Variants in RPL7 observed in about 807,000 individuals in gnomAD.
RPL7 encodes large ribosomal subunit protein uL30.
For missense variants in RPL7, 205 were observed against 301.9 expected, an observed-to-expected ratio of 0.68 and a Z score of 2.38; for synonymous variants, 100 against 102.2, an observed-to-expected ratio of 0.98 and a Z score of 0.13.
chr8:73,292,313 C>T lies in RPL7; in HGVS notation c.216G>A (p.Ala72=), dbSNP rs1206776292. The T allele has an allele frequency of 6.2e-7, 1 of 1,610,094 alleles. No homozygotes were observed. The highest frequency in any genetic ancestry group is 1.7e-5 in the Admixed American group (1 of 59,974). ...AGTTGCCAGCTTTTCTTGCCATCCT[C>T]GCCATTCGAATTTCAGTTCTGTACA... ...RQMYRTEIRM[A]RMARKAGNFY... The change falls in exon 3 of 7, where the codon GCG becomes GCA. Residue 72 remains alanine, a synonymous_variant. Coordinates refer to ENST00000352983, the MANE Select transcript of RPL7 (RefSeq NM_000971.4).
intron 1 of RPL7, 23 bp downstream of exon 1, chr8:73,293,576 C>T (rs764098267): frequency 1.3e-5 from 21 of 1,613,600 alleles, no homozygotes; most frequent in Non-Finnish European, 1.8e-5. Context: ...GAAGGATTCT[C>T]AAGAGGACCA....
chr8:73,292,111 C>A, intron 3 of RPL7, 128 bp downstream of exon 3: 1 of 1,111,232 alleles, frequency 9.0e-7, no homozygotes, highest in Non-Finnish European at 1.3e-6. Flanking sequence ...GTGATCAGCA[C>A]CCTCCTTGTT....
At position 73,292,274 on chromosome 8, in the gene RPL7, T is replaced by C. The variant is rs1260071494; in HGVS notation, c.255A>G (p.Ala85=). ...ARKAGNFYVP[A]EPKLAFVIRI... is the part of the protein sequence containing the mutation. The stretch of plus-strand genomic sequence containing the variant: ...TGATGACAAACGCCAATTTGGGTTC[T>C]GCAGGTACATAGAAGTTGCCAGCTT... The change falls in exon 3 of 7, where the codon GCA becomes GCG. Residue 85 remains alanine, a synonymous_variant. Transcript: ENST00000352983. The C allele has an allele frequency of 1.2e-6, 2 of 1,613,524 alleles. No individual in the cohort carries two copies. The highest frequency in any genetic ancestry group is 1.3e-5 in the African/African-American group (1 of 74,994).
chr8:73,292,608 A>G (rs1814129046), intron 2 of RPL7, 81 bp downstream of exon 2: 1 of 1,170,276 alleles, frequency 8.5e-7, no homozygotes, highest in East Asian at 2.3e-5. Context: ...TAGGAAGTAA[A>G]TCTTGCCAAG....
rs771745437 is a variant in RPL7, at chr8:73,293,614, G to C, written c.-2C>G. 3 of 1,613,872 alleles carry C rather than the reference G, an allele frequency of 1.9e-6. No homozygotes were observed. Among genetic ancestry groups the C allele is most frequent in the South Asian group, 2.2e-5 (2 of 91,028 alleles). ...AGCAACTCACTCTACACCCTCCATG[G>C]TTCCAGCCGGAAAAAGAGGAAGTTG... On this transcript the variant is annotated 5_prime_UTR_variant, in exon 1 of 7. Transcript: ENST00000352983.
rs188778164 is a variant in RPL7 at position 73,291,756 on chromosome 8, G to A, written c.428+17C>T. On this transcript the variant is annotated intron_variant, in intron 4 of 6. Transcript: ENST00000352983. ...ACCAATTTATCAAATAGAAATCAAA[G>A]GAGAAAAGAGACTTACCCCCATGCA... The A allele has an allele frequency of 4.3e-4, 691 of 1,596,206 alleles. 1 individual carries two copies. The highest frequency in any genetic ancestry group is 1.6e-3 in the African/African-American group (116 of 74,572).
rs1814123150 is a variant in RPL7, at chr8:73,292,415, A to G, written c.124-10T>C. 6.3e-7 allele frequency: 1 copy of G among 1,591,038 alleles called. No individual in the cohort carries two copies. The highest frequency in any genetic ancestry group is 8.5e-7 in the Non-Finnish European group (1 of 1,174,144). On this transcript the variant is annotated splice_polypyrimidine_tract_variant and intron_variant, in intron 2 of 6. Coordinates refer to ENST00000352983, the MANE Select transcript of RPL7 (RefSeq NM_000971.4). ...TCCTTGCCTTTCGAAGCTGAAAACCAATAATCAGTTATTCATAATTTTTAG... is the reference window on the plus strand; with the variant it reads ...TCCTTGCCTTTCGAAGCTGAAAACCGATAATCAGTTATTCATAATTTTTAG...
upstream of RPL7, chr8:73,293,646 G>T (rs896241891): frequency 6.2e-7 from 1 of 1,613,052 alleles, no homozygotes. Flanking sequence ...GTTGGCGCAT[G>T]CGTACTGTCC....
chr8:73,292,103 G>A (rs575314915), intron 3 of RPL7, 136 bp downstream of exon 3: 3 of 1,089,054 alleles, frequency 2.8e-6, no homozygotes, highest in Non-Finnish European at 4.0e-6. Context: ...AACCATTAGT[G>A]ATCAGCACCC....
upstream of RPL7, chr8:73,293,866 C>T (rs1814177482): frequency 6.6e-6 from 3 of 455,206 alleles, no homozygotes; most frequent in Non-Finnish European, 1.2e-5. Flanking sequence ...GTGCTGACAC[C>T]TTGGCAACTC....
In RPL7 at chr8:73,292,363, G is replaced by A. The variant is rs759624682; in HGVS notation, c.166C>T (p.His56Tyr). The part of the protein sequence containing the change: ...RRKLIYEKAK[H>Y]YHKEYRQMYR... ...ATCTGCCTATATTCCTTGTGATAGT[G>A]CTTTGCTTTTTCATAGATAAGCTTC... Residue 56 changes from histidine to tyrosine, a missense_variant, in exon 3 of 7, where the codon CAC (histidine) becomes TAC (tyrosine). By Grantham distance (83) the His-to-Tyr change is moderately conservative. Coordinates refer to ENST00000352983, the MANE Select transcript of RPL7 (RefSeq NM_000971.4). 2 of 1,600,990 alleles carry A rather than the reference G, an allele frequency of 1.2e-6. No homozygotes were observed. Among genetic ancestry groups the A allele is most frequent in the Non-Finnish European group, 1.7e-6 (2 of 1,178,754 alleles).
At position 73,291,852 on chromosome 8, in the gene RPL7, T is replaced by C. The variant is rs1436899637; in HGVS notation, c.349A>G (p.Ile117Val). Residue 117 changes from isoleucine to valine, a missense_variant, in exon 4 of 7, where the codon ATC (isoleucine) becomes GTC (valine). By Grantham distance (29) the Ile-to-Val change is conservative. Transcript: ENST00000352983. ...KVLQLLRLRQ[I>V]FNGTFVKLNK... ...AGCTTCACAAAGGTTCCATTGAAGATTTGACGAAGGCGAAGAAGCTGCAAC... is the reference window on the plus strand; with the variant it reads ...AGCTTCACAAAGGTTCCATTGAAGACTTGACGAAGGCGAAGAAGCTGCAAC... The C allele has an allele frequency of 6.2e-7, 1 of 1,613,354 alleles. No individual in the cohort carries two copies. The highest frequency in any genetic ancestry group is 1.7e-5 in the Admixed American group (1 of 60,010).
chr8:73,292,569 T>G, intron 2 of RPL7, 120 bp downstream of exon 2: 1 of 1,015,550 alleles, frequency 9.8e-7, no homozygotes, highest in Non-Finnish European at 1.5e-6. Flanking sequence ...ATTGTAACAT[T>G]AGGTAGCTAA....
At chr8:73,293,924 C>A (rs966031274), upstream of RPL7, 3 of 352,676 alleles carry the variant, frequency 8.5e-6, no homozygotes, top group East Asian at 1.3e-4. Flanking sequence ...CTCCGTTCCT[C>A]CCCATAATGT....
upstream of RPL7, chr8:73,294,347 G>A (rs7819550): frequency 0.18 from 28,187 of 152,906 alleles, 2,621 homozygotes; most frequent in East Asian, 0.21. Context: ...GAGCTCGGCA[G>A]GCGGAGGCCA....
At chr8:73,292,975 C>A in intron 1 of RPL7, 178 bp from the exon 2 acceptor site, 1 of 454,448 alleles carries the variant, frequency 2.2e-6, no homozygotes. Flanking sequence ...TGTCAATAAC[C>A]TTTAACACCA....
intron 3 of RPL7, 127 bp from the exon 4 acceptor site, chr8:73,292,037 T>C: frequency 7.6e-7 from 1 of 1,318,514 alleles, no homozygotes; most frequent in South Asian, 1.4e-5. Context: ...ACACACTGAA[T>C]TTCTGTATTC....
At chr8:73,292,854 T>G (rs907401835) in intron 1 of RPL7, 57 bp from the exon 2 acceptor site, 5 of 1,229,294 alleles carry the variant, frequency 4.1e-6, no homozygotes, top group Middle Eastern at 1.9e-4. Context: ...AGCGCTGTAT[T>G]ACTCCCGTAC....
chr8:73,293,415 C>G, intron 1 of RPL7, 184 bp downstream of exon 1: 1 of 654,570 alleles, frequency 1.5e-6, no homozygotes, highest in Non-Finnish European at 2.6e-6. Flanking sequence ...TCCAAAACCT[C>G]CGTCCTAAGA....
Sources: allele counts gnomAD v4.1 joint callset, GRCh38; gene constraint gnomAD v4.1.1; transcripts MANE v1.5; gene names NCBI Gene and HGNC (gene_info 2026-07-23, HGNC 2026-07-21).